The following FNBP1 variants were observed in gnomAD, a reference collection of about 807,000 sequenced individuals.
FNBP1 encodes the protein formin binding protein 1.
A neutral mutation model predicts 90.6 loss-of-function variants in FNBP1; 26 were observed. That is an observed-to-expected ratio of 0.29 (90% CI 0.21 to 0.40). The LOEUF is 0.40. Ranked by LOEUF, FNBP1 falls within the 10% of genes least tolerant of loss-of-function variation. The pLI is 1.00. For missense variants in FNBP1, 635 were observed against 768.0 expected (o/e 0.83, Z 2.05); for synonymous variants, 260 against 265.2 (o/e 0.98, Z 0.19).
At chr9:129,971,620 ACCTCAGGTGATCCACCTG>A (rs1414674548) in intron 4 of FNBP1, among the ~76,000 whole-genome samples, 1 of 152,068 alleles carries the variant, frequency 6.6e-6, no homozygotes, top group Non-Finnish European at 1.5e-5. Context: ...CAAACTCCTG[ACCTCAGGTGATCCACCTG>A]CCTTGGCCTC....
At chr9:130,028,131 G>A (rs1434160897) in intron 1 of FNBP1, among the ~76,000 whole-genome samples, 2 of 152,200 alleles carry the variant, frequency 1.3e-5, no homozygotes, top group Non-Finnish European at 2.9e-5. Context: ...AGATTCAAAT[G>A]AAAGTGGTAT....
chr9:129,889,699 A>G lies in FNBP1; in HGVS notation c.*840T>C. 1 of 231,752 alleles carries G rather than the reference A, an allele frequency of 4.3e-6. No homozygotes were observed. Among genetic ancestry groups the G allele is most frequent in the East Asian group, 6.1e-5 (1 of 16,418 alleles). 14.4% of individuals were successfully genotyped at this position (231,752 alleles called of 1,614,324 possible). A position where few individuals can be genotyped will look rare whatever the true frequency, so the allele number is the denominator to read the frequency against. On this transcript the variant is annotated 3_prime_UTR_variant, in exon 17 of 17. Transcript: ENST00000446176. ...GTGCAGAGGGGAGGGCCTCGCTCACAAGCGCATGATCTACAGTTCTCAGGG... is the reference window on the plus strand; with the variant it reads ...GTGCAGAGGGGAGGGCCTCGCTCACGAGCGCATGATCTACAGTTCTCAGGG...
intron 6 of FNBP1, among the ~76,000 whole-genome samples, chr9:129,933,362 C>T (rs530331885): frequency 1.1e-4 from 17 of 152,278 alleles, no homozygotes; most frequent in Admixed American, 6.5e-4. Flanking sequence ...CAGAGGTACC[C>T]CACCCAGCAC....
At chr9:129,893,637 A>G (rs7861728) in intron 16 of FNBP1, among the ~76,000 whole-genome samples, 1,514 of 62,126 alleles carry the variant, frequency 0.024, 56 homozygotes, top group African/African-American at 0.051. Context: ...AAAAAAAAAA[A>G]GCCAGGCACG....
intron 1 of FNBP1, among the ~76,000 whole-genome samples, chr9:130,001,321 A>C (rs1254749319): frequency 1.9e-4 from 2 of 10,596 alleles, no homozygotes; most frequent in Non-Finnish European, 9.1e-4. Flanking sequence ...CAAAAAAACA[A>C]AACAAAACAA....
intron 8 of FNBP1, among the ~76,000 whole-genome samples, chr9:129,925,779 A>G (rs1255512879): frequency 6.6e-6 from 1 of 150,538 alleles, no homozygotes. Context: ...TTTTTAGTAG[A>G]GATGGGGTTT....
At chr9:130,048,816 T>C in the FNBP1 span, among the ~76,000 whole-genome samples, 29 of 132,162 alleles carry the variant, frequency 2.2e-4, no homozygotes, top group Non-Finnish European at 4.1e-4. Context: ...AGTCTGGCTC[T>C]GTCGCCCAGG....
chr9:130,016,882 C>T (rs934289335), intron 1 of FNBP1, among the ~76,000 whole-genome samples: 1 of 152,132 alleles, frequency 6.6e-6, no homozygotes, highest in Non-Finnish European at 1.5e-5. Context: ...CAGGAATGTG[C>T]CAGTGACTCT....
At chr9:130,021,215 T>C (rs2057798463) in intron 1 of FNBP1, among the ~76,000 whole-genome samples, 1 of 152,196 alleles carries the variant, frequency 6.6e-6, no homozygotes, top group Admixed American at 6.5e-5. Context: ...CCATTTCTTA[T>C]CTATTTTTTG....
chr9:129,933,448 A>T (rs1448285062), intron 6 of FNBP1: 1 of 152,192 alleles, frequency 6.6e-6, no homozygotes, highest in Non-Finnish European at 1.5e-5. Context: ...CTTTAGCTGC[A>T]TAATTCCTTC....
intron 6 of FNBP1, among the ~76,000 whole-genome samples, chr9:129,952,703 T>G (rs2046369949): frequency 6.6e-6 from 1 of 152,174 alleles, no homozygotes; most frequent in Non-Finnish European, 1.5e-5. Flanking sequence ...TTTTTATTGA[T>G]GAAAAATGAA....
chr9:129,963,975 T>C (rs1262898933), intron 4 of FNBP1, among the ~76,000 whole-genome samples: 1 of 152,130 alleles, frequency 6.6e-6, no homozygotes, highest in Non-Finnish European at 1.5e-5. Context: ...TACGAAAAAC[T>C]ATCCGTGCTG....
At chr9:129,987,013 G>A (rs1260887306) in intron 2 of FNBP1, among the ~76,000 whole-genome samples, 4 of 152,146 alleles carry the variant, frequency 2.6e-5, no homozygotes, top group Non-Finnish European at 5.9e-5. Flanking sequence ...GCATTGCTTA[G>A]TGAAGTTATC....
chr9:129,902,946 G>A lies in FNBP1; in HGVS notation c.1351C>T (p.Pro451Ser). ...GCTAATTTGTGATCCAAACTGGCTGGGTCTCCCATCTGAGGATTCTTTAGG... is the reference window on the plus strand; with the variant it reads ...GCTAATTTGTGATCCAAACTGGCTGAGTCTCCCATCTGAGGATTCTTTAGG... The part of the protein sequence containing the change: ...VYLKNPQMGD[P>S]ASLDHKLAEV... Residue 451 changes from proline (P) to serine (S), a missense_variant, in exon 13 of 17, where the codon CCA (proline) becomes TCA (serine). Coordinates refer to ENST00000446176, the MANE Select transcript of FNBP1 (RefSeq NM_015033.3). 1 of 1,609,512 alleles carries A rather than the reference G, an allele frequency of 6.2e-7. No individual in the cohort carries two copies.
chr9:130,045,627 C>T (rs2132508248), upstream of FNBP1, among the ~76,000 whole-genome samples: 1 of 152,248 alleles, frequency 6.6e-6, no homozygotes, highest in East Asian at 1.9e-4. Context: ...AAAGCTGCCG[C>T]AGAACTCTAT....
At chr9:130,001,332 A>C (rs1440168727) in intron 1 of FNBP1, among the ~76,000 whole-genome samples, 4 of 151,612 alleles carry the variant, frequency 2.6e-5, no homozygotes, top group Non-Finnish European at 4.4e-5. Flanking sequence ...AACAAAACAA[A>C]AAAAAACAGC....
chr9:129,892,686 T>A (rs895733171), intron 16 of FNBP1, among the ~76,000 whole-genome samples: 1 of 152,230 alleles, frequency 6.6e-6, no homozygotes, highest in African/African-American at 2.4e-5. Flanking sequence ...GATAATAAAG[T>A]ATACTTTGGG....
rs1213395816 is a variant in FNBP1 at position 129,966,999 on chromosome 9, GGAAGAGGGGTGA to G, written c.346-8458_346-8447del. 2.0e-5 allele frequency among the ~76,000 whole-genome samples: 3 copies of G among 152,190 alleles called. No individual in the cohort carries two copies. Among genetic ancestry groups the G allele is most frequent in the Non-Finnish European group, 4.4e-5 (3 of 68,036 alleles). On this transcript the variant is annotated intron_variant, in intron 4 of 16. Coordinates refer to ENST00000446176, the MANE Select transcript of FNBP1 (RefSeq NM_015033.3). The surrounding 1 kb of genome is among the most constrained non-coding windows in gnomAD (Gnocchi z 4.3). The stretch of plus-strand genomic sequence containing the variant: ...TGAGGCACAGGACTGGGGTAGATGT[GGAAGAGGGGTGA>G]GAAGTGCTTGGACTCAGAACATTTA...
At chr9:129,923,705 G>GTT in intron 10 of FNBP1, 139 bp downstream of exon 10, 2 of 938,520 alleles carry the variant, frequency 2.1e-6, no homozygotes, top group Non-Finnish European at 2.9e-6. Flanking sequence ...AGCTATAATG[G>GTT]TTTTTGTTTT....
Sources: allele counts gnomAD v4.1 joint callset (sites outside exome capture counted in the v4.1 genomes callset), GRCh38; gene constraint gnomAD v4.1.1; non-coding constraint Gnocchi (gnomAD v3.1); transcripts MANE v1.5; gene names NCBI Gene and HGNC (gene_info 2026-07-23, HGNC 2026-07-21).